Variants in FLRT2 observed in about 807,000 individuals in gnomAD.
The protein encoded by FLRT2 is fibronectin leucine rich transmembrane protein 2.
FLRT2 carries 15 observed loss-of-function variants against 40.0 expected under a neutral mutation model. The observed-to-expected ratio is 0.38, with a 90% CI of 0.25 to 0.58. The LOEUF (loss-of-function observed/expected upper bound fraction) is 0.58, where lower values mean the gene tolerates loss of function less well. FLRT2 is among the 20% of genes least tolerant of loss of function. The pLI is 0.71. For missense variants in FLRT2, 726 were observed against 840.0 expected, an observed-to-expected ratio of 0.86 and a Z score of 1.68; for synonymous variants, 380 against 336.8, an observed-to-expected ratio of 1.13 and a Z score of -1.41.
Position 85,645,562 on chromosome 14 carries a change from A to G in FLRT2, c.*22065A>G, listed in dbSNP as rs1368144193. On this transcript the variant is annotated 3_prime_UTR_variant, in exon 2 of 2. Coordinates refer to ENST00000330753, the MANE Select transcript of FLRT2 (RefSeq NM_013231.6). ...ACTAAGCATGGATACAATTTGGATC[A>G]TTGGTAATAAGGAGACTTAGGGAAG... The G allele has an allele frequency of 2.0e-5, 3 of 152,166 alleles. No homozygotes were observed. Among genetic ancestry groups the G allele is most frequent in the Admixed American group, 1.3e-4 (2 of 15,274 alleles). The allele number at this position is 152,166 out of a possible 1,614,324, so 9.4% of individuals were successfully genotyped here.
intron 1 of FLRT2, among the ~76,000 whole-genome samples, chr14:85,568,845 CAT>C (rs903999984): frequency 1.3e-5 from 2 of 152,288 alleles, no homozygotes; most frequent in South Asian, 2.1e-4. Flanking sequence ...CAGAAGTTAA[CAT>C]ATGTGGTATG....
chr14:85,632,803 T>G lies in FLRT2; in HGVS notation c.*9306T>G, dbSNP rs1042136833. On this transcript the variant is annotated 3_prime_UTR_variant, in exon 2 of 2. Transcript: ENST00000330753. ...AGTGGTAGTTATTAAGAAATCAGTT[T>G]GAAATCAAGCTGACTTACTTTGGAA... 1.1e-4 allele frequency: 17 copies of G among 152,250 alleles called. No individual in the cohort carries two copies. The highest frequency in any genetic ancestry group is 3.9e-4 in the African/African-American group (16 of 41,468). 9.4% of individuals were successfully genotyped at this position (152,250 alleles called of 1,614,324 possible).
At chr14:85,604,770 C>T (rs1057187305) in intron 1 of FLRT2, among the ~76,000 whole-genome samples, 5 of 152,086 alleles carry the variant, frequency 3.3e-5, no homozygotes, top group African/African-American at 1.2e-4. Context: ...CAGAGCAGTG[C>T]TAAAGAAATA....
rs749088450 is a variant in FLRT2, at chr14:85,622,054, G to A, written c.540G>A (p.Val180=). ...HLSSVPVGLP[V]DLQELRVDEN... ...GCAGTGTGCCTGTTGGGCTTCCTGTGGACTTGCAAGAGCTGAGAGTGGATG... is the reference window on the plus strand; with the variant it reads ...GCAGTGTGCCTGTTGGGCTTCCTGTAGACTTGCAAGAGCTGAGAGTGGATG... Residue 180 remains valine (V), a synonymous_variant, in exon 2 of 2, where the codon GTG becomes GTA. Transcript: ENST00000330753. 8 of 1,613,844 alleles carry A rather than the reference G, an allele frequency of 5.0e-6. No homozygotes were observed. Among genetic ancestry groups the A allele is most frequent in the African/African-American group, 2.7e-5 (2 of 74,890 alleles).
chr14:85,558,218 AT>A (rs1276844169), intron 1 of FLRT2, among the ~76,000 whole-genome samples: 2 of 152,104 alleles, frequency 1.3e-5, no homozygotes, highest in Non-Finnish European at 2.9e-5. Flanking sequence ...CCTATTTTTA[AT>A]TTGTAAGCAG....
rs529444770 is a variant in FLRT2, at chr14:85,642,345, T to A, written c.*18848T>A. The A allele has an allele frequency of 6.6e-6, 1 of 152,278 alleles. No homozygotes were observed. The highest frequency in any genetic ancestry group is 2.1e-4 in the South Asian group (1 of 4,822). 9.4% of individuals were successfully genotyped at this position (152,278 alleles called of 1,614,324 possible). Reference sequence around the variant, plus strand: ...GACTATACTGAACCCCCAAGTCCGATGAGCCTTCTTTGCCAGTAGAACTCC... The same window carrying A: ...GACTATACTGAACCCCCAAGTCCGAAGAGCCTTCTTTGCCAGTAGAACTCC... On this transcript the variant is annotated 3_prime_UTR_variant, in exon 2 of 2. Coordinates refer to ENST00000330753, the MANE Select transcript of FLRT2 (RefSeq NM_013231.6).
At position 85,622,844 on chromosome 14, in the gene FLRT2, C is replaced by G. The variant is rs748353114; in HGVS notation, c.1330C>G (p.Leu444Val). 3 of 1,614,098 alleles carry G rather than the reference C, an allele frequency of 1.9e-6. No individual in the cohort carries two copies. The highest frequency in any genetic ancestry group is 2.2e-5 in the South Asian group (2 of 91,090). Residue 444 changes from leucine (L) to valine (V), a missense_variant, in exon 2 of 2, where the codon CTC becomes GTC. Physicochemically the swap from Leu to Val is conservative, Grantham distance 32. Around this residue, in one of 3 missense-constraint regions of FLRT2, gnomAD observed 611 missense variants for 690.0 expected, o/e 0.89. Coordinates refer to ENST00000330753, the MANE Select transcript of FLRT2 (RefSeq NM_013231.6). The part of the protein sequence containing the change: ...DTSIQVSWLS[L>V]FTVMAYKLTW... ...TTCCATTCAAGTCAGCTGGCTCTCT[C>G]TCTTCACCGTGATGGCATACAAACT...
rs1001249260 is a variant in FLRT2, at chr14:85,629,259, A to G, written c.*5762A>G. Reference sequence around the variant, plus strand: ...TTGGTAAGGTTGATGCAACTGTCATAATTAGATGTTCTTGGTTTTTAATAG... The same window carrying G: ...TTGGTAAGGTTGATGCAACTGTCATGATTAGATGTTCTTGGTTTTTAATAG... On this transcript the variant is annotated 3_prime_UTR_variant, in exon 2 of 2. Coordinates refer to ENST00000330753, the MANE Select transcript of FLRT2 (RefSeq NM_013231.6). 1 of 152,230 alleles carries G rather than the reference A, an allele frequency of 6.6e-6. No homozygotes were observed. The highest frequency in any genetic ancestry group is 1.5e-5 in the Non-Finnish European group (1 of 68,046). The allele number at this position is 152,230 out of a possible 1,614,324, so 9.4% of individuals were successfully genotyped here.
intron 1 of FLRT2, among the ~76,000 whole-genome samples, chr14:85,588,969 G>A (rs1891763744): frequency 6.6e-6 from 1 of 152,094 alleles, no homozygotes. Flanking sequence ...TTTTGTGGCT[G>A]AATAGTGCTC....
chr14:85,634,398 C>T lies in FLRT2; in HGVS notation c.*10901C>T, dbSNP rs1288339425. ...CTGGTAGGCCTCAGCTATCCTATTG[C>T]TAAGTATTTTACATAACTGCCCTCA... On this transcript the variant is annotated 3_prime_UTR_variant, in exon 2 of 2. Coordinates refer to ENST00000330753, the MANE Select transcript of FLRT2 (RefSeq NM_013231.6). 1.3e-5 allele frequency: 2 copies of T among 152,128 alleles called. No homozygotes were observed. The highest frequency in any genetic ancestry group is 6.6e-5 in the Admixed American group (1 of 15,266). The allele number at this position is 152,128 out of a possible 1,614,324, so 9.4% of individuals were successfully genotyped here.
At chr14:85,543,632 C>G (rs1231750832) in intron 1 of FLRT2, among the ~76,000 whole-genome samples, 6 of 152,154 alleles carry the variant, frequency 3.9e-5, no homozygotes, top group African/African-American at 1.2e-4. Context: ...CCGTGACAAT[C>G]TAGATCTCAA....
At chr14:85,530,909 T>C (rs1334544405) in intron 1 of FLRT2, among the ~76,000 whole-genome samples, 1 of 152,152 alleles carries the variant, frequency 6.6e-6, no homozygotes, top group Non-Finnish European at 1.5e-5. Context: ...CTTTCACCAG[T>C]AACAACCCTC....
intron 1 of FLRT2, among the ~76,000 whole-genome samples, chr14:85,557,720 GAC>G (rs2139837814): frequency 6.6e-6 from 1 of 152,298 alleles, no homozygotes; most frequent in South Asian, 2.1e-4. Flanking sequence ...GGGAGGCTGA[GAC>G]AGGAGAATTG....
chr14:85,572,051 A>C (rs2139862536), intron 1 of FLRT2, among the ~76,000 whole-genome samples: 1 of 152,322 alleles, frequency 6.6e-6, no homozygotes, highest in East Asian at 1.9e-4. Context: ...CCCCCAGCCT[A>C]GACAGCTATG....
At chr14:85,533,884 C>T (rs1888466578) in intron 1 of FLRT2, among the ~76,000 whole-genome samples, 1 of 151,802 alleles carries the variant, frequency 6.6e-6, no homozygotes, top group Non-Finnish European at 1.5e-5. Context: ...CCGCCGCCGT[C>T]GCCGCCGCCG....
intron 1 of FLRT2, among the ~76,000 whole-genome samples, chr14:85,569,267 T>C (rs1890786057): frequency 6.6e-6 from 1 of 152,342 alleles, no homozygotes; most frequent in African/African-American, 2.4e-5. Flanking sequence ...CCTTGGCAGT[T>C]GAACACTGAT....
Position 85,637,359 on chromosome 14 carries a change from C to G in FLRT2, c.*13862C>G, listed in dbSNP as rs556580823. Reference sequence around the variant, plus strand: ...TTCAAATATTGACTCATTCACTTACCAGCTGTGTTCTCCAGTCAAAAAACT... The same window carrying G: ...TTCAAATATTGACTCATTCACTTACGAGCTGTGTTCTCCAGTCAAAAAACT... On this transcript the variant is annotated 3_prime_UTR_variant, in exon 2 of 2. Coordinates refer to ENST00000330753, the MANE Select transcript of FLRT2 (RefSeq NM_013231.6). The G allele has an allele frequency of 6.6e-6, 1 of 152,106 alleles. No individual in the cohort carries two copies. Among genetic ancestry groups the G allele is most frequent in the Admixed American group, 6.5e-5 (1 of 15,274 alleles). 9.4% of individuals were successfully genotyped at this position (152,106 alleles called of 1,614,324 possible).
In FLRT2 at chr14:85,639,027, G is replaced by A. The variant is rs1894080484; in HGVS notation, c.*15530G>A. ...TGTCCAAGAAAATGACAATCAAAAC[G>A]ATTAGTGCATTAGGATAAGTGTCGT... On this transcript the variant is annotated 3_prime_UTR_variant, in exon 2 of 2. Transcript: ENST00000330753. 2 of 152,148 alleles carry A rather than the reference G, an allele frequency of 1.3e-5. No homozygotes were observed. The highest frequency in any genetic ancestry group is 6.5e-5 in the Admixed American group (1 of 15,270). 9.4% of individuals were successfully genotyped at this position (152,148 alleles called of 1,614,324 possible). A position where few individuals can be genotyped will look rare whatever the true frequency, so the allele number is the denominator to read the frequency against.
At chr14:85,598,965 T>C (rs1465701478) in intron 1 of FLRT2, among the ~76,000 whole-genome samples, 1 of 140,284 alleles carries the variant, frequency 7.1e-6, no homozygotes, top group Non-Finnish European at 1.5e-5. Context: ...TCGCCCAGGC[T>C]GGAGTGCAGT....
Sources: gnomAD v4.1 joint callset for allele counts (sites outside exome capture counted in the v4.1 genomes callset) on GRCh38, gnomAD v4.1.1 for gene constraint, gnomAD v4.1.1 regional missense constraint, MANE v1.5 for transcripts, NCBI Gene and HGNC (gene_info 2026-07-23, HGNC 2026-07-21) for gene names.